Variants in TRIM58 observed in about 807,000 individuals in gnomAD.
TRIM58 encodes the protein E3 ubiquitin-protein ligase TRIM58.
Under a neutral mutation model 34.1 loss-of-function variants are expected in TRIM58, and 38 were observed. The observed-to-expected ratio is 1.12, with a 90% CI of 0.86 to 1.46. TRIM58 has a LOEUF of 1.46. Ranked by LOEUF, TRIM58 falls within the 40% of genes most tolerant of loss-of-function variation. The pLI is 0.00. For missense variants in TRIM58, 677 were observed against 642.0 expected (o/e 1.05, Z -0.59); for synonymous variants, 273 against 275.7 (o/e 0.99, Z 0.10).
At chr1:247,863,363 C>T (rs990892584) in intron 2 of TRIM58, among the ~76,000 whole-genome samples, 1 of 151,994 alleles carries the variant, frequency 6.6e-6, no homozygotes, top group Non-Finnish European at 1.5e-5. Context: ...TACGGTGAAA[C>T]CCTGTCTCTA....
chr1:247,857,675 C>T lies in TRIM58; in HGVS notation c.420+9C>T, dbSNP rs910669614. ...CCGCCGGCAGCTACCAGGTGAGGCG[C>T]CCCCCGGCGGGGGCTGCGGGCGCTG... On this transcript the variant is annotated intron_variant, in intron 1 of 5. Coordinates refer to ENST00000366481, the MANE Select transcript of TRIM58 (RefSeq NM_015431.4). 4.1e-6 allele frequency: 5 copies of T among 1,224,426 alleles called. No individual in the cohort carries two copies. In the African/African-American group the frequency reaches 4.7e-5, roughly 12 times the overall value. The allele number at this position is 1,224,426 out of a possible 1,614,324, so 75.8% of individuals were successfully genotyped here. A position where few individuals can be genotyped will look rare whatever the true frequency, so the allele number is the denominator to read the frequency against.
chr1:247,866,082 A>G (rs986988485), intron 3 of TRIM58, among the ~76,000 whole-genome samples: 4 of 152,056 alleles, frequency 2.6e-5, no homozygotes, highest in African/African-American at 7.2e-5. Context: ...TATTATTGCT[A>G]TGTTCATTTC....
chr1:247,857,702 G>A (rs1055582954), intron 1 of TRIM58, 36 bp downstream of exon 1: 1 of 1,213,872 alleles, frequency 8.2e-7, no homozygotes, highest in South Asian at 3.8e-5. Flanking sequence ...CGGGCGCTGC[G>A]GTGACCGGGA....
intron 1 of TRIM58, among the ~76,000 whole-genome samples, chr1:247,858,536 C>G (rs559896115): frequency 6.6e-6 from 1 of 152,192 alleles, no homozygotes; most frequent in Admixed American, 6.5e-5. Context: ...ATTGCAAATA[C>G]TTTCTTAAAA....
At chr1:247,868,392 T>C (rs1663978446) in intron 5 of TRIM58, among the ~76,000 whole-genome samples, 1 of 152,138 alleles carries the variant, frequency 6.6e-6, no homozygotes, top group Admixed American at 6.5e-5. Context: ...ATTGAAGAGA[T>C]GGGGGAAGAA....
chr1:247,857,265 G>C lies in TRIM58; in HGVS notation c.19G>C (p.Gly7Arg), dbSNP rs1034372922. The C allele has an allele frequency of 1.6e-5, 22 of 1,344,834 alleles. No individual in the cohort carries two copies. The highest frequency in any genetic ancestry group is 3.0e-5 in the African/African-American group (2 of 65,920). The allele number at this position is 1,344,834 out of a possible 1,614,324, so 83.3% of individuals were successfully genotyped here. ...GCGGGTCATGGCCTGGGCGCCGCCCGGGGAGCGGCTGCGCGAGGATGCGCG... is the reference window on the plus strand; with the variant it reads ...GCGGGTCATGGCCTGGGCGCCGCCCCGGGAGCGGCTGCGCGAGGATGCGCG... MAWAPP[G>R]ERLREDARCP... The change falls in exon 1 of 6, where the codon GGG (glycine) becomes CGG (arginine). Residue 7 changes from glycine (G) to arginine (R), a missense_variant. Gly to Arg is a moderately radical substitution (Grantham distance 125, BLOSUM62 -2). Transcript: ENST00000366481.
chr1:247,857,706 A>G (rs12096636), intron 1 of TRIM58, 40 bp downstream of exon 1: 37,565 of 1,212,006 alleles, frequency 0.031, 1,055 homozygotes, highest in African/African-American at 0.14. Context: ...CGCTGCGGTG[A>G]CCGGGAAGCG....
At chr1:247,860,996 A>G (rs879516491) in intron 2 of TRIM58, among the ~76,000 whole-genome samples, 4 of 152,216 alleles carry the variant, frequency 2.6e-5, no homozygotes, top group Non-Finnish European at 5.9e-5. Flanking sequence ...CACCTAGAAT[A>G]GCATCTTATA....
chr1:247,876,575 A>G lies in TRIM58; in HGVS notation c.*86A>G. 1 of 1,025,310 alleles carries G rather than the reference A, an allele frequency of 9.8e-7. No individual in the cohort carries two copies. Among genetic ancestry groups the G allele is most frequent in the Non-Finnish European group, 1.4e-6 (1 of 710,302 alleles). 63.5% of individuals were successfully genotyped at this position (1,025,310 alleles called of 1,614,324 possible). On this transcript the variant is annotated 3_prime_UTR_variant, in exon 6 of 6. Coordinates refer to ENST00000366481, the MANE Select transcript of TRIM58 (RefSeq NM_015431.4). ...ATCAATATACTAAGTTTTAACAGAT[A>G]CCCCATTTAGGTCAGCACTTGATTC...
At chr1:247,874,058 GTATTTGTTCTGA>G (rs1025622632) in intron 5 of TRIM58, among the ~76,000 whole-genome samples, 2 of 152,210 alleles carry the variant, frequency 1.3e-5, no homozygotes, top group African/African-American at 4.8e-5. Flanking sequence ...AGTAGAAACA[GTATTTGTTCTGA>G]TATTAAAAAT....
intron 5 of TRIM58, among the ~76,000 whole-genome samples, 183 bp downstream of exon 5, chr1:247,868,246 A>C (rs1663975551): frequency 6.6e-6 from 1 of 152,060 alleles, no homozygotes; most frequent in South Asian, 2.1e-4. Flanking sequence ...GATCAGCAGA[A>C]ATTTATTTTG....
intron 5 of TRIM58, among the ~76,000 whole-genome samples, chr1:247,872,379 T>C (rs907850580): frequency 2.6e-5 from 4 of 152,170 alleles, no homozygotes; most frequent in Non-Finnish European, 5.9e-5. Flanking sequence ...TGTTATATAC[T>C]GAAGGCAGAG....
rs1160956787 is a variant in TRIM58 at position 247,879,665 on chromosome 1, C to T, written c.*3176C>T. On this transcript the variant is annotated 3_prime_UTR_variant, in exon 6 of 6. Coordinates refer to ENST00000366481, the MANE Select transcript of TRIM58 (RefSeq NM_015431.4). ...CCCCACTTCCCTTTGCATTCTGCTCCAGCTGCCCTGGCCTCATGGCTGGGT... is the reference window on the plus strand; with the variant it reads ...CCCCACTTCCCTTTGCATTCTGCTCTAGCTGCCCTGGCCTCATGGCTGGGT... Among the ~76,000 whole-genome samples the T allele has an allele frequency of 6.6e-6, 1 of 151,694 alleles. No homozygotes were observed. Among genetic ancestry groups the T allele is most frequent in the African/African-American group, 2.4e-5 (1 of 41,332 alleles).
intron 3 of TRIM58, 105 bp from the exon 4 acceptor site, chr1:247,867,740 T>G: frequency 8.0e-7 from 1 of 1,247,008 alleles, no homozygotes; most frequent in South Asian, 1.2e-5. Flanking sequence ...TTTATCTCAA[T>G]AATGTTTTGC....
intron 2 of TRIM58, 68 bp from the exon 3 acceptor site, chr1:247,864,637 C>G (rs1663875703): frequency 2.0e-6 from 3 of 1,528,426 alleles, no homozygotes; most frequent in African/African-American, 1.4e-5. Context: ...ATTACCTTCT[C>G]CAGCACTGTC....
chr1:247,864,338 G>C (rs868392083), intron 2 of TRIM58, among the ~76,000 whole-genome samples: 1 of 151,938 alleles, frequency 6.6e-6, no homozygotes, highest in South Asian at 2.1e-4. Context: ...AGATGGGGTC[G>C]CATTTTGCTT....
At chr1:247,863,624 G>A (rs1663851184) in intron 2 of TRIM58, among the ~76,000 whole-genome samples, 1 of 151,954 alleles carries the variant, frequency 6.6e-6, no homozygotes, top group Admixed American at 6.6e-5. Context: ...TGTACCCCAT[G>A]AATATATACA....
intron 5 of TRIM58, among the ~76,000 whole-genome samples, chr1:247,871,376 A>G (rs530817885): frequency 6.6e-6 from 1 of 152,364 alleles, no homozygotes; most frequent in South Asian, 2.1e-4. Context: ...ATTTTCATGT[A>G]GGAATAAGCA....
At position 247,878,711 on chromosome 1, in the gene TRIM58, A is replaced by G. The variant is rs1227645839; in HGVS notation, c.*2222A>G. Reference sequence around the variant, plus strand: ...TGGGTGGGAGGGAGAACACCTCCACATGTCTTCTACTCTCTCCATAGGATG... The same window carrying G: ...TGGGTGGGAGGGAGAACACCTCCACGTGTCTTCTACTCTCTCCATAGGATG... On this transcript the variant is annotated 3_prime_UTR_variant, in exon 6 of 6. Coordinates refer to ENST00000366481, the MANE Select transcript of TRIM58 (RefSeq NM_015431.4). Among the ~76,000 whole-genome samples, 1 of 152,148 alleles carries G rather than the reference A, an allele frequency of 6.6e-6. No individual in the cohort carries two copies. The highest frequency in any genetic ancestry group is 1.5e-5 in the Non-Finnish European group (1 of 68,012).
Sources: allele counts gnomAD v4.1 joint callset (sites outside exome capture counted in the v4.1 genomes callset), GRCh38; gene constraint gnomAD v4.1.1; transcripts MANE v1.5; gene names NCBI Gene and HGNC (gene_info 2026-07-23, HGNC 2026-07-21).